ZFHX3: variants seen among roughly 807,000 people sequenced by gnomAD.
ZFHX3 encodes zinc finger homeobox protein 3.
A neutral mutation model predicts 279.1 loss-of-function variants in ZFHX3; 42 were observed. The observed-to-expected ratio is 0.15, with a 90% CI of 0.12 to 0.19. The LOEUF is 0.19. Among genes scored for constraint, ZFHX3 ranks in the 10% least tolerant of loss-of-function variants. The pLI is 1.00. For synonymous variants in ZFHX3, 2,293 were observed against 1,957.8 expected (o/e 1.17, Z -4.52); for missense variants, 4,981 against 4,754.0 (o/e 1.05, Z -1.40).
intron 1 of ZFHX3, among the ~76,000 whole-genome samples, chr16:73,724,541 T>G (rs1386034724): frequency 4.6e-5 from 7 of 152,162 alleles, no homozygotes; most frequent in Non-Finnish European, 7.3e-5. Flanking sequence ...CTCACTTTTG[T>G]TATTTGCCCA....
At chr16:73,529,588 T>C (rs1197748130) in intron 2 of ZFHX3, among the ~76,000 whole-genome samples, 2 of 152,188 alleles carry the variant, frequency 1.3e-5, no homozygotes, top group African/African-American at 4.8e-5. Flanking sequence ...GAAACTACTC[T>C]CTGGCCAGTG....
At chr16:73,667,148 C>A (rs566282755) in intron 2 of ZFHX3, among the ~76,000 whole-genome samples, 32 of 152,144 alleles carry the variant, frequency 2.1e-4, no homozygotes, top group African/African-American at 7.2e-4. Context: ...CCCGCCACCA[C>A]GCCCGGCTAA....
intron 2 of ZFHX3, among the ~76,000 whole-genome samples, chr16:73,615,967 GATTTC>G (rs2052297454): frequency 6.6e-6 from 1 of 152,266 alleles, no homozygotes; most frequent in Middle Eastern, 3.4e-3. Flanking sequence ...AGATTTGTGT[GATTTC>G]ATACCAGGAC....
At chr16:73,092,592 C>T (rs147962193) in intron 8 of ZFHX3, 57 of 234,288 alleles carry the variant, frequency 2.4e-4, no homozygotes, top group African/African-American at 1.1e-3. Flanking sequence ...TGAACTGTTC[C>T]AGTACGTTCC....
intron 8 of ZFHX3, among the ~76,000 whole-genome samples, chr16:73,078,694 G>A (rs2144763331): frequency 6.6e-6 from 1 of 151,686 alleles, no homozygotes; most frequent in Non-Finnish European, 1.5e-5. Flanking sequence ...GCCCAGGCTG[G>A]AGTGCAGTGG....
At chr16:73,153,778 T>C (rs1268384013) in intron 5 of ZFHX3, among the ~76,000 whole-genome samples, 2 of 152,012 alleles carry the variant, frequency 1.3e-5, no homozygotes, top group Non-Finnish European at 2.9e-5. Flanking sequence ...GCCTCCTGAG[T>C]AGCTGGGACT....
At chr16:73,281,212 G>T (rs2014450951) in intron 4 of ZFHX3, among the ~76,000 whole-genome samples, 1 of 152,104 alleles carries the variant, frequency 6.6e-6, no homozygotes, top group African/African-American at 2.4e-5. Flanking sequence ...CAATAGCCAA[G>T]ATATGAAAAC....
chr16:72,913,136 G>A (rs1233513754), intron 3 of ZFHX3, among the ~76,000 whole-genome samples: 1 of 152,184 alleles, frequency 6.6e-6, no homozygotes, highest in East Asian at 1.9e-4. Flanking sequence ...GAGTTCCCAT[G>A]TGCCCTTCAC....
At chr16:73,547,991 T>C (rs1036162087) in intron 2 of ZFHX3, among the ~76,000 whole-genome samples, 1 of 152,218 alleles carries the variant, frequency 6.6e-6, no homozygotes, top group Non-Finnish European at 1.5e-5. Flanking sequence ...TCTGAAAACT[T>C]GCAGAACCCC....
chr16:72,847,564 C>CCA (rs1567545676), intron 4 of ZFHX3, among the ~76,000 whole-genome samples: 2 of 152,150 alleles, frequency 1.3e-5, no homozygotes, highest in South Asian at 4.2e-4. Flanking sequence ...GGCAGCTGAT[C>CCA]CACACACAGC....
At chr16:73,491,647 T>C (rs1397142716) in intron 2 of ZFHX3, among the ~76,000 whole-genome samples, 1 of 152,200 alleles carries the variant, frequency 6.6e-6, no homozygotes, top group Non-Finnish European at 1.5e-5. Flanking sequence ...GGATAATATG[T>C]GTGCTTATAG....
intron 1 of ZFHX3, among the ~76,000 whole-genome samples, chr16:73,028,853 A>C (rs1964600983): frequency 6.6e-6 from 1 of 152,260 alleles, no homozygotes; most frequent in Non-Finnish European, 1.5e-5. Context: ...TGTTGTGAGC[A>C]GGGAAACCTT....
At chr16:73,274,343 C>T (rs933184714) in intron 4 of ZFHX3, among the ~76,000 whole-genome samples, 6 of 152,134 alleles carry the variant, frequency 3.9e-5, no homozygotes, top group African/African-American at 4.8e-5. Flanking sequence ...GTTTGGTCAG[C>T]ATTTCTTTAT....
intron 2 of ZFHX3, among the ~76,000 whole-genome samples, chr16:73,477,299 T>C (rs772933024): frequency 6.6e-6 from 1 of 152,224 alleles, no homozygotes; most frequent in Non-Finnish European, 1.5e-5. Context: ...GATAAACATT[T>C]TTGTGCAAGT....
At chr16:73,497,602 C>G (rs773969337) in intron 2 of ZFHX3, among the ~76,000 whole-genome samples, 12 of 151,900 alleles carry the variant, frequency 7.9e-5, no homozygotes, top group Non-Finnish European at 1.3e-4. Context: ...CCCAGGGGGT[C>G]GAGACTGTAG....
chr16:73,566,833 G>A (rs1336086832), intron 2 of ZFHX3, among the ~76,000 whole-genome samples: 1 of 151,990 alleles, frequency 6.6e-6, no homozygotes, highest in Non-Finnish European at 1.5e-5. Context: ...AGAGTAGCTG[G>A]GATTACAGGC....
chr16:73,505,556 GGA>G (rs2019312479), intron 2 of ZFHX3, among the ~76,000 whole-genome samples: 1 of 141,578 alleles, frequency 7.1e-6, no homozygotes, highest in Non-Finnish European at 1.5e-5. Flanking sequence ...ACACATTGGA[GGA>G]AAAAAAAAAA....
chr16:72,841,710 A>G (rs1368430460), intron 4 of ZFHX3, among the ~76,000 whole-genome samples: 1 of 152,132 alleles, frequency 6.6e-6, no homozygotes. Flanking sequence ...CTGTGTATCT[A>G]TTTAGCTTTT....
At chr16:72,907,917 C>A (rs542840074) in intron 3 of ZFHX3, among the ~76,000 whole-genome samples, 8 of 152,196 alleles carry the variant, frequency 5.3e-5, no homozygotes, top group African/African-American at 1.9e-4. Context: ...CTCCTGGCCT[C>A]AAGTGATTCA....
Sources: gnomAD v4.1 joint callset for allele counts (sites outside exome capture counted in the v4.1 genomes callset) on GRCh38, gnomAD v4.1.1 for gene constraint, MANE v1.5 for transcripts, NCBI Gene and HGNC (gene_info 2026-07-23, HGNC 2026-07-21) for gene names.